Variants in CAMTA1 observed in about 807,000 individuals in gnomAD.
CAMTA1 encodes calmodulin-binding transcription activator 1.
A neutral mutation model predicts 170.9 loss-of-function variants in CAMTA1; 27 were observed. The ratio of observed to expected loss-of-function variants is 0.16; its 90% CI spans 0.12 to 0.22. CAMTA1 has a LOEUF of 0.22. Among genes scored for constraint, CAMTA1 ranks in the 10% least tolerant of loss-of-function variants. The probability of loss-of-function intolerance (pLI) is 1.00; values close to 1 mark genes in which losing one functional copy is unlikely to be tolerated. For missense variants in CAMTA1, 1,619 were observed against 2,217.2 expected, an observed-to-expected ratio of 0.73 and a Z score of 5.42; for synonymous variants, 833 against 891.5, an observed-to-expected ratio of 0.93 and a Z score of 1.17.
chr1:7,316,225 G>A (rs1335797214), intron 5 of CAMTA1, among the ~76,000 whole-genome samples: 4 of 152,176 alleles, frequency 2.6e-5, no homozygotes, highest in Admixed American at 1.3e-4. Flanking sequence ...AGATTTGGGA[G>A]GGGACACAGC....
rs960993377 is a variant in CAMTA1 at position 7,113,746 on chromosome 1, T to G, written c.302+22375T>G. On this transcript the variant is annotated intron_variant, in intron 4 of 22. Coordinates refer to ENST00000303635, the MANE Select transcript of CAMTA1 (RefSeq NM_015215.4). The surrounding 1 kb of genome is among the most constrained non-coding windows in gnomAD (Gnocchi z 4.5). ...ATGATATTCTCTCACTTTAGCAATA[T>G]ATTTTGTGCTTCAAAAATGTAACAG... Among the ~76,000 whole-genome samples, 1 of 152,258 alleles carries G rather than the reference T, an allele frequency of 6.6e-6. No homozygotes were observed. Among genetic ancestry groups the G allele is most frequent in the Non-Finnish European group, 1.5e-5 (1 of 68,046 alleles).
Position 7,532,791 on chromosome 1 carries a change from A to G in CAMTA1, c.510+64890A>G, listed in dbSNP as rs1355343204. 6.6e-6 allele frequency among the ~76,000 whole-genome samples: 1 copy of G among 152,222 alleles called. No homozygotes were observed. The highest frequency in any genetic ancestry group is 1.5e-5 in the Non-Finnish European group (1 of 68,040). Reference sequence around the variant, plus strand: ...AGGGAGATTTAATCCATGCTGGAGAAGAAGAAAGAAAGGGAAGGAACACAG... The same window carrying G: ...AGGGAGATTTAATCCATGCTGGAGAGGAAGAAAGAAAGGGAAGGAACACAG... On this transcript the variant is annotated intron_variant, in intron 6 of 22. Transcript: ENST00000303635. This position sits in a 1 kb window ranked among gnomAD's most constrained non-coding sequence, Gnocchi z 4.2.
chr1:7,552,533 C>G (rs12742992), intron 6 of CAMTA1, among the ~76,000 whole-genome samples: 1 of 152,076 alleles, frequency 6.6e-6, no homozygotes, highest in East Asian at 1.9e-4. Context: ...GAGCACTGGC[C>G]GACAGGAGGG....
At chr1:7,363,543 A>G (rs865947765) in intron 5 of CAMTA1, among the ~76,000 whole-genome samples, 6 of 152,180 alleles carry the variant, frequency 3.9e-5, no homozygotes, top group South Asian at 2.1e-4. Flanking sequence ...GCAGTTTGCA[A>G]ATCAGGTGGT....
At chr1:6,932,203 G>A (rs1407424963) in intron 3 of CAMTA1, among the ~76,000 whole-genome samples, 2 of 152,108 alleles carry the variant, frequency 1.3e-5, no homozygotes, top group African/African-American at 4.8e-5. Context: ...TCCTCGCCAG[G>A]CAACCACCAC....
At chr1:7,018,400 G>T (rs1291270506) in intron 3 of CAMTA1, among the ~76,000 whole-genome samples, 1 of 152,142 alleles carries the variant, frequency 6.6e-6, no homozygotes, top group African/African-American at 2.4e-5. Flanking sequence ...TTTGTCTCCA[G>T]CAGGCTTGCC....
intron 3 of CAMTA1, among the ~76,000 whole-genome samples, chr1:7,049,871 G>A (rs1706030730): frequency 6.6e-6 from 1 of 152,228 alleles, no homozygotes; most frequent in African/African-American, 2.4e-5. Context: ...AGGATGTGGT[G>A]GTTAAAGCAG....
rs1021500079 is a variant in CAMTA1 at position 7,093,976 on chromosome 1, T to C, written c.302+2605T>C. ...GTTTCTGATTCTGCTTCCCATGCCG[T>C]CGGGTCTGTCCATGCACAGGTGTCA... On this transcript the variant is annotated intron_variant, in intron 4 of 22. Transcript: ENST00000303635. The surrounding 1 kb of genome is among the most constrained non-coding windows in gnomAD (Gnocchi z 4.6). Among the ~76,000 whole-genome samples the C allele has an allele frequency of 6.6e-6, 1 of 152,192 alleles. No homozygotes were observed. Among genetic ancestry groups the C allele is most frequent in the African/African-American group, 2.4e-5 (1 of 41,448 alleles).
chr1:6,947,367 A>G (rs12084009), intron 3 of CAMTA1, among the ~76,000 whole-genome samples: 82,433 of 151,266 alleles, frequency 0.54, 22,824 homozygotes, highest in Non-Finnish European at 0.61. Context: ...ATTTATTTCC[A>G]TTGTCTTTAA....
At chr1:7,103,405 GCACACACACAGCACA>G (rs1459491370) in intron 4 of CAMTA1, among the ~76,000 whole-genome samples, 2 of 104,164 alleles carry the variant, frequency 1.9e-5, no homozygotes, top group Non-Finnish European at 4.1e-5. Flanking sequence ...AACTACACAC[GCACACACACAGCACA>G]CACACCTACA....
At chr1:7,194,736 G>A (rs896692540) in intron 4 of CAMTA1, among the ~76,000 whole-genome samples, 1 of 152,190 alleles carries the variant, frequency 6.6e-6, no homozygotes, top group African/African-American at 2.4e-5. Context: ...AGTAAGGAGA[G>A]GAGAGGGCCG....
intron 4 of CAMTA1, among the ~76,000 whole-genome samples, chr1:7,219,176 A>C (rs1330204617): frequency 1.3e-5 from 2 of 152,148 alleles, no homozygotes; most frequent in African/African-American, 4.8e-5. Context: ...GCCCTTTTTC[A>C]TAGACACTTC....
intron 5 of CAMTA1, among the ~76,000 whole-genome samples, chr1:7,261,368 C>A (rs1248632854): frequency 6.6e-6 from 1 of 152,188 alleles, no homozygotes; most frequent in Non-Finnish European, 1.5e-5. Context: ...AGCTGAGATG[C>A]TGGTAGAGAC....
chr1:7,554,584 C>T (rs958166216), intron 6 of CAMTA1, among the ~76,000 whole-genome samples: 1 of 152,168 alleles, frequency 6.6e-6, no homozygotes, highest in Non-Finnish European at 1.5e-5. Context: ...GCTATCCCTG[C>T]TCTTGCCCCC....
chr1:7,391,154 T>C (rs754410714), intron 5 of CAMTA1, among the ~76,000 whole-genome samples: 8 of 152,130 alleles, frequency 5.3e-5, no homozygotes, highest in Non-Finnish European at 1.0e-4. Flanking sequence ...TGTGCCACCA[T>C]GCTGGGCTAA....
intron 4 of CAMTA1, among the ~76,000 whole-genome samples, chr1:7,229,969 A>G (rs1330619800): frequency 3.3e-5 from 5 of 152,072 alleles, no homozygotes; most frequent in African/African-American, 1.2e-4. Context: ...GTTGGGCTGA[A>G]GCTCCAAGGA....
chr1:7,708,419 G>GC (rs1252601585), intron 11 of CAMTA1, among the ~76,000 whole-genome samples: 1 of 152,108 alleles, frequency 6.6e-6, no homozygotes, highest in African/African-American at 2.4e-5. Context: ...GATTGCTTGA[G>GC]CCCAGGAGTT....
intron 4 of CAMTA1, among the ~76,000 whole-genome samples, chr1:7,164,555 T>C (rs1198073329): frequency 6.6e-6 from 1 of 152,244 alleles, no homozygotes; most frequent in Non-Finnish European, 1.5e-5. Flanking sequence ...TCTTGGGGTC[T>C]ATGCCCGTGC....
At chr1:7,193,832 G>C (rs183647292) in intron 4 of CAMTA1, among the ~76,000 whole-genome samples, 6 of 152,328 alleles carry the variant, frequency 3.9e-5, no homozygotes, top group East Asian at 1.9e-4. Flanking sequence ...TAGGTGTTCA[G>C]GTGGATTTTA....
Sources: allele counts gnomAD v4.1 joint callset (sites outside exome capture counted in the v4.1 genomes callset), GRCh38; gene constraint gnomAD v4.1.1; non-coding constraint Gnocchi (gnomAD v3.1); transcripts MANE v1.5; gene names NCBI Gene and HGNC (gene_info 2026-07-23, HGNC 2026-07-21).